The following TMEM131 variants were observed in gnomAD, a reference collection of about 807,000 sequenced individuals.
The protein encoded by TMEM131 is transmembrane protein 131.
TMEM131 carries 66 observed loss-of-function variants against 211.6 expected under a neutral mutation model. The ratio of observed to expected loss-of-function variants is 0.31; its 90% CI spans 0.26 to 0.38. The LOEUF is 0.38. TMEM131 is among the 10% of genes least tolerant of loss of function. TMEM131 has a pLI of 1.00. For synonymous variants in TMEM131, 844 were observed against 841.3 expected (o/e 1.00, Z -0.06); for missense variants, 2,036 against 2,299.3 (o/e 0.89, Z 2.34).
rs1960330 is a variant in TMEM131 at position 97,805,722 on chromosome 2, G to A, written c.2056-19C>T. ...TTTTCCCCTGAAGGAAGAAAGCAAA[G>A]AACAAACTCATTTGTATATGGTTAA... On this transcript the variant is annotated intron_variant, in intron 19 of 40. Coordinates refer to ENST00000186436, the MANE Select transcript of TMEM131 (RefSeq NM_015348.2). 6.4e-7 allele frequency: 1 copy of A among 1,573,198 alleles called. No individual in the cohort carries two copies.
intron 11 of TMEM131, 62 bp downstream of exon 11, chr2:97,833,303 T>G (rs1466794457): frequency 5.2e-5 from 42 of 802,968 alleles, no homozygotes; most frequent in Non-Finnish European, 7.6e-5. Flanking sequence ...TATTTTTAAC[T>G]TTGTCATACA....
intron 4 of TMEM131, among the ~76,000 whole-genome samples, chr2:97,859,803 T>C (rs1411220629): frequency 6.6e-6 from 1 of 152,202 alleles, no homozygotes; most frequent in Non-Finnish European, 1.5e-5. Context: ...GCTCTTCATT[T>C]TAGGAGCAGA....
At chr2:97,913,962 C>T (rs1179375229) in intron 2 of TMEM131, among the ~76,000 whole-genome samples, 1 of 152,126 alleles carries the variant, frequency 6.6e-6, no homozygotes, top group Non-Finnish European at 1.5e-5. Flanking sequence ...GACAAAATTA[C>T]ATACTTCCTC....
chr2:97,886,126 T>C (rs576137645), intron 4 of TMEM131, among the ~76,000 whole-genome samples: 1 of 152,282 alleles, frequency 6.6e-6, no homozygotes, highest in East Asian at 1.9e-4. Context: ...TTCTTTGTTA[T>C]GTTACCTGTC....
intron 1 of TMEM131, among the ~76,000 whole-genome samples, chr2:97,983,397 GTCTCTTCAGT>G (rs1443006739): frequency 6.6e-6 from 1 of 152,090 alleles, no homozygotes; most frequent in Non-Finnish European, 1.5e-5. Flanking sequence ...GTCTCTTCGG[GTCTCTTCAGT>G]TCTCTTCAGG....
chr2:97,841,096 C>T (rs1173327280), intron 7 of TMEM131, among the ~76,000 whole-genome samples: 1 of 152,200 alleles, frequency 6.6e-6, no homozygotes, highest in African/African-American at 2.4e-5. Flanking sequence ...AACTCTGGCA[C>T]CCTGGACTAT....
intron 10 of TMEM131, among the ~76,000 whole-genome samples, chr2:97,833,720 C>T (rs1270929790): frequency 2.7e-5 from 4 of 150,658 alleles, no homozygotes; most frequent in Middle Eastern, 3.4e-3. Context: ...TACAGTGGGG[C>T]ATTCTTGGCT....
At chr2:97,980,931 G>C (rs538651142) in intron 1 of TMEM131, among the ~76,000 whole-genome samples, 5 of 146,894 alleles carry the variant, frequency 3.4e-5, no homozygotes, top group African/African-American at 1.3e-4. Flanking sequence ...TATGGAGATA[G>C]CACAGGTTTT....
rs538115537 is a variant in TMEM131, at chr2:97,873,438, C to T, written c.360-14011G>A. On this transcript the variant is annotated intron_variant, in intron 4 of 40. Transcript: ENST00000186436. ...CCTCCTCAAGTGGGTCCCTGACCGC[C>T]GTGTATCCTCACTGGGAGAAAACTC... Among the ~76,000 whole-genome samples, 41 of 152,326 alleles carry T rather than the reference C, an allele frequency of 2.7e-4. 1 individual carries two copies. In the South Asian group the frequency reaches 7.5e-3, roughly 28 times the overall value.
At chr2:97,891,487 T>C (rs1264566590) in intron 3 of TMEM131, among the ~76,000 whole-genome samples, 21 of 142,442 alleles carry the variant, frequency 1.5e-4, no homozygotes, top group Admixed American at 1.4e-3. Context: ...GAAGTGTCAA[T>C]ACAATTGGTT....
intron 1 of TMEM131, among the ~76,000 whole-genome samples, chr2:97,950,557 C>T (rs895479595): frequency 6.6e-6 from 1 of 152,200 alleles, no homozygotes; most frequent in Non-Finnish European, 1.5e-5. Context: ...AGCATCAGGA[C>T]AGGGTCTCTT....
chr2:97,942,716 GT>G (rs1677797864), intron 1 of TMEM131, among the ~76,000 whole-genome samples: 1 of 151,966 alleles, frequency 6.6e-6, no homozygotes, highest in Non-Finnish European at 1.5e-5. Context: ...AGCCATCAAA[GT>G]TTCCCCGCAA....
chr2:97,810,176 T>C (rs148913593), intron 18 of TMEM131, among the ~76,000 whole-genome samples: 24 of 152,284 alleles, frequency 1.6e-4, no homozygotes, highest in African/African-American at 5.8e-4. Context: ...TCTAGAGTTA[T>C]ATAGCTTTTT....
chr2:97,963,107 T>C (rs1678894436), intron 1 of TMEM131, among the ~76,000 whole-genome samples: 1 of 152,198 alleles, frequency 6.6e-6, no homozygotes, highest in Non-Finnish European at 1.5e-5. Flanking sequence ...TGTATGTTTA[T>C]GAAACTAATC....
chr2:97,943,062 A>G (rs938888034), intron 1 of TMEM131, among the ~76,000 whole-genome samples: 1 of 83,786 alleles, frequency 1.2e-5, no homozygotes, highest in Non-Finnish European at 2.8e-5. Context: ...AGAAAGAAAG[A>G]AAGAAAGAAA....
intron 1 of TMEM131, among the ~76,000 whole-genome samples, chr2:97,993,242 T>G (rs2104690510): frequency 6.6e-6 from 1 of 152,346 alleles, no homozygotes; most frequent in South Asian, 2.1e-4. Context: ...TAAACTAGTT[T>G]ATGCTACTTC....
chr2:97,883,974 T>G (rs1327059296), intron 4 of TMEM131, among the ~76,000 whole-genome samples: 1 of 152,194 alleles, frequency 6.6e-6, no homozygotes, highest in East Asian at 1.9e-4. Flanking sequence ...TTTGAGGCTT[T>G]GATTTGTTCT....
chr2:97,824,618 C>T (rs1490249442), intron 11 of TMEM131, among the ~76,000 whole-genome samples: 2 of 152,164 alleles, frequency 1.3e-5, no homozygotes, highest in African/African-American at 2.4e-5. Context: ...AACAAGTTAC[C>T]CATTTGTTGT....
chr2:97,819,258 C>G (rs1013174679), intron 11 of TMEM131, among the ~76,000 whole-genome samples: 1 of 152,196 alleles, frequency 6.6e-6, no homozygotes, highest in Non-Finnish European at 1.5e-5. Context: ...AGAGAGAGGG[C>G]TATACTGCTG....
Sources: gnomAD v4.1 joint callset for allele counts (sites outside exome capture counted in the v4.1 genomes callset) on GRCh38, gnomAD v4.1.1 for gene constraint, MANE v1.5 for transcripts, NCBI Gene and HGNC (gene_info 2026-07-23, HGNC 2026-07-21) for gene names.